Variants in NR4A3 observed in about 807,000 individuals in gnomAD.
The protein encoded by NR4A3 is nuclear receptor subfamily 4 group A member 3, also known as chondrosarcoma, extraskeletal myxoid, fused to EWS.
Under a neutral mutation model 55.6 loss-of-function variants are expected in NR4A3, and 13 were observed. That is an observed-to-expected ratio of 0.23 (90% confidence interval 0.15 to 0.37). The LOEUF is 0.37. Among genes scored for constraint, NR4A3 ranks in the 10% least tolerant of loss-of-function variants. The pLI is 1.00. For missense variants in NR4A3, 646 were observed against 822.8 expected (o/e 0.79, Z 2.63); for synonymous variants, 342 against 357.9 (o/e 0.96, Z 0.50).
intron 1 of NR4A3, among the ~76,000 whole-genome samples, chr9:99,824,800 G>C (rs1827262086): frequency 6.6e-6 from 1 of 152,244 alleles, no homozygotes; most frequent in African/African-American, 2.4e-5. Flanking sequence ...TGCGCTTTCA[G>C]CTACAAAGTT....
chr9:99,853,297 T>C (rs1827884038), intron 7 of NR4A3, among the ~76,000 whole-genome samples: 1 of 151,534 alleles, frequency 6.6e-6, no homozygotes, highest in African/African-American at 2.4e-5. Context: ...TGCAACTGAA[T>C]ATACACATTG....
chr9:99,826,373 G>C (rs985337725), intron 2 of NR4A3, among the ~76,000 whole-genome samples: 1 of 152,214 alleles, frequency 6.6e-6, no homozygotes, highest in African/African-American at 2.4e-5. Flanking sequence ...GGAATACTAG[G>C]TGCCAAGCCT....
In NR4A3 at chr9:99,825,921, T is replaced by G. The variant is rs1482557341; in HGVS notation, c.-3+89T>G. ...CACTCGGCGGGCAGCGTGGTCGACC[T>G]GCCCAGTGCCAGGACAGTGACTGCT... On this transcript the variant is annotated intron_variant, in intron 2 of 7. Transcript: ENST00000395097. This position sits in a 1 kb window ranked among gnomAD's most constrained non-coding sequence, Gnocchi z 5.0. 1 of 182,978 alleles carries G rather than the reference T, an allele frequency of 5.5e-6. No individual in the cohort carries two copies. Among genetic ancestry groups the G allele is most frequent in the Non-Finnish European group, 1.2e-5 (1 of 85,756 alleles). The allele number at this position is 182,978 out of a possible 1,614,324, so 11.3% of individuals were successfully genotyped here.
intron 6 of NR4A3, among the ~76,000 whole-genome samples, 153 bp downstream of exon 6, chr9:99,845,001 G>GAGC (rs1233931864): frequency 6.6e-6 from 1 of 152,178 alleles, no homozygotes; most frequent in Non-Finnish European, 1.5e-5. Context: ...GTCACGGAGG[G>GAGC]AGCACTAGGC....
At chr9:99,841,514 T>C (rs529172576) in intron 5 of NR4A3, among the ~76,000 whole-genome samples, 3 of 152,208 alleles carry the variant, frequency 2.0e-5, no homozygotes, top group Non-Finnish European at 4.4e-5. Flanking sequence ...GGATGGTGAT[T>C]ATTTCAGACA....
chr9:99,823,064 C>A (rs1274973535), intron 1 of NR4A3, among the ~76,000 whole-genome samples: 1 of 152,144 alleles, frequency 6.6e-6, no homozygotes, highest in Non-Finnish European at 1.5e-5. Context: ...GCTGACATGC[C>A]GGTTTACACT....
Position 99,864,395 on chromosome 9 carries a change from A to G in NR4A3, c.*528A>G. The G allele has an allele frequency of 4.4e-6, 1 of 228,164 alleles. No homozygotes were observed. 14.1% of individuals were successfully genotyped at this position (228,164 alleles called of 1,614,324 possible). On this transcript the variant is annotated 3_prime_UTR_variant, in exon 8 of 8. Coordinates refer to ENST00000395097, the MANE Select transcript of NR4A3 (RefSeq NM_006981.4). ...TTAATTTCCTTCTTCCTTTATTTTA[A>G]CAAATGGTGAAAGATGGAGGATTAC...
At chr9:99,826,868 T>G in intron 2 of NR4A3, 1 of 1,478,102 alleles carries the variant, frequency 6.8e-7, no homozygotes, top group South Asian at 1.2e-5. Context: ...TTTTACACCA[T>G]AGACTCCAAA....
intron 3 of NR4A3, among the ~76,000 whole-genome samples, chr9:99,830,129 GTGCTGGACAGGGTAGAA>G (rs1243911511): frequency 6.6e-6 from 1 of 152,150 alleles, no homozygotes; most frequent in Non-Finnish European, 1.5e-5. Flanking sequence ...TTATCCTCTA[GTGCTGGACAGGGTAGAA>G]AGAAAGAGAA....
At chr9:99,832,156 G>GT (rs1222947713) in intron 3 of NR4A3, among the ~76,000 whole-genome samples, 1 of 152,020 alleles carries the variant, frequency 6.6e-6, no homozygotes, top group Non-Finnish European at 1.5e-5. Context: ...GATTAAGTTA[G>GT]TTTTTTTGCA....
At chr9:99,847,948 A>G (rs910421534) in intron 7 of NR4A3, among the ~76,000 whole-genome samples, 5 of 152,210 alleles carry the variant, frequency 3.3e-5, no homozygotes, top group Non-Finnish European at 5.9e-5. Flanking sequence ...TCTGTCACAC[A>G]GGCTAGAGAG....
chr9:99,859,216 C>T (rs1291785177), intron 7 of NR4A3, among the ~76,000 whole-genome samples: 1 of 152,138 alleles, frequency 6.6e-6, no homozygotes, highest in Non-Finnish European at 1.5e-5. Context: ...GTATAATTCT[C>T]TAGGAAGGGG....
At chr9:99,858,625 G>A (rs1464000754) in intron 7 of NR4A3, among the ~76,000 whole-genome samples, 2 of 152,232 alleles carry the variant, frequency 1.3e-5, no homozygotes, top group Non-Finnish European at 2.9e-5. Flanking sequence ...AGGACGAGGA[G>A]AAACTTTCTA....
At position 99,828,210 on chromosome 9, in the gene NR4A3, C is replaced by G. The variant is rs775587999; in HGVS notation, c.168C>G (p.Pro56=). 4 of 1,614,130 alleles carry G rather than the reference C, an allele frequency of 2.5e-6. No homozygotes were observed. The highest frequency in any genetic ancestry group is 3.4e-6 in the Non-Finnish European group (4 of 1,180,004). Residue 56 remains proline (P), a synonymous_variant, in exon 3 of 8, where the codon CCC becomes CCG. Transcript: ENST00000395097. The surrounding 1 kb of genome is among the most constrained non-coding windows in gnomAD (Gnocchi z 7.7). The part of the protein sequence containing the change: ...EITATATTSL[P]SISTFVEGYS... The stretch of plus-strand genomic sequence containing the variant: ...CGGCTACAGCCACCACGTCCCTGCC[C>G]AGCATCAGTACCTTCGTGGAGGGCT...
At chr9:99,860,673 C>T (rs1313684522) in intron 7 of NR4A3, among the ~76,000 whole-genome samples, 3 of 152,150 alleles carry the variant, frequency 2.0e-5, no homozygotes, top group Non-Finnish European at 2.9e-5. Flanking sequence ...AATGATAAGC[C>T]GTAGGAGACA....
At position 99,825,362 on chromosome 9, in the gene NR4A3, G is replaced by A. The variant is rs1033366995; in HGVS notation, c.-176-297G>A. Among the ~76,000 whole-genome samples the A allele has an allele frequency of 5.9e-5, 9 of 151,952 alleles. No individual in the cohort carries two copies. Among genetic ancestry groups the A allele is most frequent in the African/African-American group, 1.7e-4 (7 of 41,380 alleles). On this transcript the variant is annotated intron_variant, in intron 1 of 7. Transcript: ENST00000395097. The surrounding 1 kb of genome is among the most constrained non-coding windows in gnomAD (Gnocchi z 5.0). ...GTGGGGGCAGAGAGATCAATTTCTG[G>A]GCAATAACAGGCTGCGCGTTTTTTT...
rs1828099436 is a variant in NR4A3, at chr9:99,866,463, T to A, written c.*2596T>A. ...AAGCTTTTTTAGTAATAGGTCCAGA[T>A]ATGAGTGCTAAAAATAAAGATGATA... is the stretch of plus-strand genomic sequence containing the variant. On this transcript the variant is annotated 3_prime_UTR_variant, in exon 8 of 8. Coordinates refer to ENST00000395097, the MANE Select transcript of NR4A3 (RefSeq NM_006981.4). The A allele has an allele frequency of 4.4e-6, 1 of 226,702 alleles. No homozygotes were observed. The highest frequency in any genetic ancestry group is 5.7e-5 in the Admixed American group (1 of 17,574). 14.0% of individuals were successfully genotyped at this position (226,702 alleles called of 1,614,324 possible).
intron 3 of NR4A3, among the ~76,000 whole-genome samples, chr9:99,829,837 C>T (rs936318349): frequency 2.6e-5 from 4 of 152,274 alleles, no homozygotes; most frequent in Non-Finnish European, 5.9e-5. Flanking sequence ...TCAGCCTCCC[C>T]CATATTTTAC....
intron 5 of NR4A3, among the ~76,000 whole-genome samples, chr9:99,840,896 A>G (rs991068179): frequency 1.3e-5 from 2 of 152,220 alleles, no homozygotes; most frequent in South Asian, 4.1e-4. Flanking sequence ...AAAATAAAAA[A>G]GGGGAAAGTT....
Sources: allele counts gnomAD v4.1 joint callset (sites outside exome capture counted in the v4.1 genomes callset), GRCh38; gene constraint gnomAD v4.1.1; non-coding constraint Gnocchi (gnomAD v3.1); transcripts MANE v1.5; gene names NCBI Gene and HGNC (gene_info 2026-07-23, HGNC 2026-07-21).